The following ENTPD1 variants were observed in gnomAD, a reference collection of about 807,000 sequenced individuals.
The protein encoded by ENTPD1 is ectonucleoside triphosphate diphosphohydrolase 1, also known as ATP diphosphohydrolase.
ENTPD1 carries 33 observed loss-of-function variants against 57.0 expected under a neutral mutation model. The observed-to-expected ratio is 0.58, with a 90% CI of 0.44 to 0.77. The LOEUF is 0.77. Ranked by LOEUF, ENTPD1 falls within the 30% of genes least tolerant of loss-of-function variation. The probability of loss-of-function intolerance (pLI) is 0.00; values close to 1 mark genes in which losing one functional copy is unlikely to be tolerated. For synonymous variants in ENTPD1, 202 were observed against 218.8 expected (o/e 0.92, Z 0.68); for missense variants, 501 against 603.4 (o/e 0.83, Z 1.78).
Position 95,868,008 on chromosome 10 carries a change from G to A in ENTPD1, c.*1625G>A, listed in dbSNP as rs1251333491. On this transcript the variant is annotated 3_prime_UTR_variant, in exon 10 of 10. Coordinates refer to ENST00000371205, the MANE Select transcript of ENTPD1 (RefSeq NM_001776.6). The stretch of plus-strand genomic sequence containing the variant: ...GGACATGTTCAAATTCTTTCTTGTG[G>A]TAGTTGCCTATACTGTCATCGCTGC... 2.0e-6 allele frequency: 2 copies of A among 985,340 alleles called. No individual in the cohort carries two copies. Among genetic ancestry groups the A allele is most frequent in the South Asian group, 9.4e-5 (2 of 21,286 alleles). The allele number at this position is 985,340 out of a possible 1,614,324, so 61.0% of individuals were successfully genotyped here.
chr10:95,767,742 A>G (rs11595122), intron 1 of ENTPD1, among the ~76,000 whole-genome samples: 13,148 of 152,034 alleles, frequency 0.086, 697 homozygotes, highest in Middle Eastern at 0.16. Flanking sequence ...AAATATAGCA[A>G]TCTTTCCCCC....
intron 1 of ENTPD1, among the ~76,000 whole-genome samples, chr10:95,784,565 C>T (rs1286348261): frequency 1.3e-5 from 2 of 152,172 alleles, no homozygotes; most frequent in Non-Finnish European, 2.9e-5. Flanking sequence ...AGTAGCAGTT[C>T]CAGAGACCAA....
chr10:95,816,950 T>C (rs1489010706), intron 1 of ENTPD1, among the ~76,000 whole-genome samples: 1 of 152,236 alleles, frequency 6.6e-6, no homozygotes, highest in East Asian at 1.9e-4. Context: ...TATAGGCTAT[T>C]ACGTGTTGTT....
intron 1 of ENTPD1, among the ~76,000 whole-genome samples, chr10:95,784,345 C>T (rs1489346438): frequency 6.6e-6 from 1 of 152,104 alleles, no homozygotes; most frequent in African/African-American, 2.4e-5. Flanking sequence ...CTAAAAATGT[C>T]TTATATGGCT....
chr10:95,870,517 A>C lies in ENTPD1; in HGVS notation c.*4134A>C. ...TGGTCTCGAACTCCTGCCCTCAAGC[A>C]ATCCTCCTGCCTTGGCCTCCCAAAG... On this transcript the variant is annotated 3_prime_UTR_variant, in exon 10 of 10. Coordinates refer to ENST00000371205, the MANE Select transcript of ENTPD1 (RefSeq NM_001776.6). 1.0e-6 allele frequency: 1 copy of C among 965,948 alleles called. No homozygotes were observed. Among genetic ancestry groups the C allele is most frequent in the East Asian group, 1.1e-4 (1 of 8,706 alleles). The allele number at this position is 965,948 out of a possible 1,614,324, so 59.8% of individuals were successfully genotyped here. A position where few individuals can be genotyped will look rare whatever the true frequency, so the allele number is the denominator to read the frequency against.
At chr10:95,769,999 A>G (rs2098108851) in intron 1 of ENTPD1, among the ~76,000 whole-genome samples, 1 of 152,152 alleles carries the variant, frequency 6.6e-6, no homozygotes, top group African/African-American at 2.4e-5. Flanking sequence ...GGTCTTTCAA[A>G]TAGAGCAGAT....
intron 1 of ENTPD1, among the ~76,000 whole-genome samples, chr10:95,808,702 G>C (rs1344999267): frequency 1.3e-5 from 2 of 148,278 alleles, no homozygotes; most frequent in Non-Finnish European, 3.0e-5. Flanking sequence ...GAGATACTTT[G>C]ACAGATTATT....
At chr10:95,700,503 A>G in the ENTPD1 span, among the ~76,000 whole-genome samples, 1 of 152,142 alleles carries the variant, frequency 6.6e-6, no homozygotes, top group Non-Finnish European at 1.5e-5. Flanking sequence ...CCTGGGCAAC[A>G]TAGTGAGACT....
chr10:95,756,610 T>TCTG, intron 1 of ENTPD1: 1 of 267,926 alleles, frequency 3.7e-6, no homozygotes, highest in South Asian at 5.3e-5. Flanking sequence ...TAGCCTCGGG[T>TCTG]CTGTACCTCA....
At chr10:95,809,421 G>GC (rs2098288744) in intron 1 of ENTPD1, among the ~76,000 whole-genome samples, 1 of 142,630 alleles carries the variant, frequency 7.0e-6, no homozygotes, top group Non-Finnish European at 1.5e-5. Flanking sequence ...GGGCAGAGGC[G>GC]TCCCCCACCT....
At position 95,873,397 on chromosome 10, in the gene ENTPD1, TG is replaced by T; in HGVS notation, c.*7015del. ...TCCCTCTCTGCCTTGCCTTGCCCTC[TG>T]CCTTTGGAGACCAGCACCTCATACT... On this transcript the variant is annotated 3_prime_UTR_variant, in exon 10 of 10. Transcript: ENST00000371205. 1 of 985,664 alleles carries T rather than the reference TG, an allele frequency of 1.0e-6. No homozygotes were observed. Among genetic ancestry groups the T allele is most frequent in the Non-Finnish European group, 1.2e-6 (1 of 830,094 alleles). 61.1% of individuals were successfully genotyped at this position (985,664 alleles called of 1,614,324 possible). A position where few individuals can be genotyped will look rare whatever the true frequency, so the allele number is the denominator to read the frequency against.
rs766757363 is a variant in ENTPD1, at chr10:95,821,431, TTTC to T, written c.17-1803_17-1801del. 1.5e-3 allele frequency among the ~76,000 whole-genome samples: 221 copies of T among 152,274 alleles called. 5 individuals carry two copies. The highest frequency in any genetic ancestry group is 2.6e-4 in the Non-Finnish European group (18 of 68,024). On this transcript the variant is annotated intron_variant, in intron 1 of 9. Coordinates refer to ENST00000371205, the MANE Select transcript of ENTPD1 (RefSeq NM_001776.6). ...ATGTTTGAGGATGAAGAGAGAATGT[TTTC>T]TTTTTTCCCTAGACTTGCCCCAGAA...
chr10:95,844,265 G>A (rs1310856278), intron 4 of ENTPD1, among the ~76,000 whole-genome samples: 2 of 152,180 alleles, frequency 1.3e-5, no homozygotes, highest in Non-Finnish European at 2.9e-5. Flanking sequence ...GAAGGATGTG[G>A]ATTTGGAGAG....
At chr10:95,783,074 A>G (rs1379015262) in intron 1 of ENTPD1, among the ~76,000 whole-genome samples, 1 of 152,044 alleles carries the variant, frequency 6.6e-6, no homozygotes, top group African/African-American at 2.4e-5. Flanking sequence ...GTTGTCTCCT[A>G]GGGAGTTTCT....
chr10:95,841,718 T>G (rs2098423006), intron 3 of ENTPD1, among the ~76,000 whole-genome samples: 1 of 152,234 alleles, frequency 6.6e-6, no homozygotes, highest in Admixed American at 6.5e-5. Flanking sequence ...TTAAGGAATC[T>G]TGGCTCTAAT....
chr10:95,746,339 G>T (rs1229596541), intron 1 of ENTPD1, among the ~76,000 whole-genome samples: 3 of 152,032 alleles, frequency 2.0e-5, no homozygotes, highest in East Asian at 3.9e-4. Context: ...TTAAAAAAAA[G>T]ACCTTTATTT....
At chr10:95,850,442 T>TA (rs1350316430) in intron 7 of ENTPD1, among the ~76,000 whole-genome samples, 10 of 152,212 alleles carry the variant, frequency 6.6e-5, no homozygotes, top group Admixed American at 6.5e-4. Flanking sequence ...CAGTAATATC[T>TA]ACCTCATTGA....
chr10:95,825,970 G>C (rs570234931), intron 2 of ENTPD1, among the ~76,000 whole-genome samples: 3 of 151,968 alleles, frequency 2.0e-5, no homozygotes, highest in Admixed American at 6.6e-5. Context: ...TTTATGCATC[G>C]ACAATTATTT....
intron 1 of ENTPD1, among the ~76,000 whole-genome samples, chr10:95,765,285 C>G (rs558748464): frequency 1.3e-5 from 2 of 152,276 alleles, no homozygotes; most frequent in Middle Eastern, 3.4e-3. Context: ...TGAAGATATA[C>G]ATCTATATTT....
Sources: allele counts gnomAD v4.1 joint callset (sites outside exome capture counted in the v4.1 genomes callset), GRCh38; gene constraint gnomAD v4.1.1; transcripts MANE v1.5; gene names NCBI Gene and HGNC (gene_info 2026-07-23, HGNC 2026-07-21).